VCPIP1: variants seen among roughly 807,000 people sequenced by gnomAD.
VCPIP1 encodes deubiquitinating protein VCPIP1.
In VCPIP1, 8 loss-of-function variants were observed where a neutral mutation model predicts 85.0. The ratio of observed to expected loss-of-function variants is 0.09; its 90% CI spans 0.06 to 0.17. The LOEUF (loss-of-function observed/expected upper bound fraction) is 0.17, where lower values mean the gene tolerates loss of function less well. Among genes scored for constraint, VCPIP1 ranks in the 10% least tolerant of loss-of-function variants. The probability of loss-of-function intolerance (pLI) is 1.00; values close to 1 mark genes in which losing one functional copy is unlikely to be tolerated. For synonymous variants in VCPIP1, 543 were observed against 544.5 expected, an observed-to-expected ratio of 1.00 and a Z score of 0.04; for missense variants, 1,070 against 1,486.3, an observed-to-expected ratio of 0.72 and a Z score of 4.61.
At chr8:66,660,819 G>A (rs1008386256) in intron 1 of VCPIP1, among the ~76,000 whole-genome samples, 4 of 152,054 alleles carry the variant, frequency 2.6e-5, no homozygotes, top group Non-Finnish European at 4.4e-5. Context: ...CGAGGAGGGC[G>A]GATCCCCTGA....
At chr8:66,651,314 C>A in intron 2 of VCPIP1, 144 bp downstream of exon 2, 11 of 557,422 alleles carry the variant, frequency 2.0e-5, no homozygotes, top group East Asian at 6.5e-5. Context: ...GGTAATAATT[C>A]ATTTTAATTA....
chr8:66,664,647 G>C lies in VCPIP1; in HGVS notation c.2312C>G (p.Thr771Ser). 1 of 1,613,734 alleles carries C rather than the reference G, an allele frequency of 6.2e-7. No individual in the cohort carries two copies. Among genetic ancestry groups the C allele is most frequent in the Non-Finnish European group, 8.5e-7 (1 of 1,179,806 alleles). Reference protein sequence around the residue: ...TPTKAPYSPTTSKEKKIRITT... With the variant: ...TPTKAPYSPTSSKEKKIRITT... ...GATTCGGATCTTCTTCTCCTTAGAA[G>C]TTGTCGGTGAATAGGGAGCCTTGGT... The change falls in exon 1 of 3, where the codon ACT (threonine) becomes AGT (serine). Residue 771 changes from threonine (T) to serine (S), a missense_variant. Thr to Ser is a moderately conservative substitution (Grantham distance 58, BLOSUM62 1). This residue lies in a region of VCPIP1 where 278 missense variants were observed against 298.5 expected (regional missense o/e 0.93). Transcript: ENST00000310421.
rs1810864821 is a variant in VCPIP1, at chr8:66,634,560, C to T, written c.3610G>A (p.Glu1204Lys). 1 of 1,613,968 alleles carries T rather than the reference C, an allele frequency of 6.2e-7. No homozygotes were observed. Among genetic ancestry groups the T allele is most frequent in the East Asian group, 2.2e-5 (1 of 44,892 alleles). ...ATCTCAGCATCTTGACTATCCATCT[C>T]TTCAAGCTCCTCCACGGAATTTCCC... is the stretch of plus-strand genomic sequence containing the variant. Reference protein sequence around the residue: ...QRGNSVEELEEMDSQDAEMTN... With the variant: ...QRGNSVEELEKMDSQDAEMTN... Residue 1204 changes from glutamate (E) to lysine (K), a missense_variant, in exon 3 of 3, where the codon GAG (glutamate) becomes AAG (lysine). Coordinates refer to ENST00000310421, the MANE Select transcript of VCPIP1 (RefSeq NM_025054.5).
rs146362482 is a variant in VCPIP1, at chr8:66,640,325, A to T, written c.2798-4953T>A. On this transcript the variant is annotated intron_variant, in intron 2 of 2. Transcript: ENST00000310421. ...ATTTGCTAACTGCTATACATCCACC[A>T]TCTCCTTTGATCCTCACAATCACCC... 4.7e-4 allele frequency among the ~76,000 whole-genome samples: 71 copies of T among 152,310 alleles called. 1 individual carries two copies. The highest frequency in any genetic ancestry group is 6.8e-3 in the Middle Eastern group (2 of 294).
intron 1 of VCPIP1, among the ~76,000 whole-genome samples, chr8:66,660,868 ACT>A (rs1012739157): frequency 1.3e-5 from 2 of 152,036 alleles, no homozygotes; most frequent in East Asian, 1.9e-4. Context: ...ACATGGAGAA[ACT>A]CTCTCTCTAT....
intron 2 of VCPIP1, among the ~76,000 whole-genome samples, chr8:66,644,794 TA>T (rs112573575): frequency 0.015 from 2,028 of 137,150 alleles, 15 homozygotes; most frequent in Non-Finnish European, 0.022. Flanking sequence ...AAGGGCAATG[TA>T]AAAAAAAAAA....
chr8:66,644,370 C>A (rs1325580549), intron 2 of VCPIP1, among the ~76,000 whole-genome samples: 1 of 152,082 alleles, frequency 6.6e-6, no homozygotes, highest in African/African-American at 2.4e-5. Context: ...AAGTAAAGTT[C>A]GTTCAACATT....
rs1811207992 is a variant in VCPIP1, at chr8:66,666,227, C to A, written c.732G>T (p.Gln244His). Reference sequence around the variant, plus strand: ...ATCGGGCCAGGTGCTGCTGAAAGTGCTGTTTAAGATTCTCTCTTAAGGCAT... The same window carrying A: ...ATCGGGCCAGGTGCTGCTGAAAGTGATGTTTAAGATTCTCTCTTAAGGCAT... ...FWHALRENLK[Q>H]HFQQHLARYQ... The change falls in exon 1 of 3, where the codon CAG becomes CAT. Residue 244 changes from glutamine to histidine, a missense_variant. Physicochemically the swap from Gln to His is conservative, Grantham distance 24 (BLOSUM62 0). This residue lies in a region of VCPIP1 where 118 missense variants were observed against 337.1 expected (regional missense o/e 0.35). Transcript: ENST00000310421. This position sits in a 1 kb window ranked among gnomAD's most constrained non-coding sequence, Gnocchi z 6.3. 6.2e-7 allele frequency: 1 copy of A among 1,613,786 alleles called. No individual in the cohort carries two copies. Among genetic ancestry groups the A allele is most frequent in the African/African-American group, 1.3e-5 (1 of 74,886 alleles).
At chr8:66,637,991 A>G (rs937202726) in intron 2 of VCPIP1, among the ~76,000 whole-genome samples, 2 of 152,218 alleles carry the variant, frequency 1.3e-5, no homozygotes, top group African/African-American at 4.8e-5. Context: ...CAAAACAAAA[A>G]TTCCATTACT....
At chr8:66,650,053 TA>T (rs1811037007) in intron 2 of VCPIP1, among the ~76,000 whole-genome samples, 2 of 146,276 alleles carry the variant, frequency 1.4e-5, no homozygotes, top group South Asian at 4.2e-4. Context: ...TAGGTTGTAA[TA>T]ATGACTTTTT....
intron 2 of VCPIP1, among the ~76,000 whole-genome samples, chr8:66,644,837 C>G (rs1810979192): frequency 6.6e-6 from 1 of 151,950 alleles, no homozygotes; most frequent in South Asian, 2.1e-4. Flanking sequence ...GTAGTTCACA[C>G]CTGTAATCCT....
At position 66,634,762 on chromosome 8, in the gene VCPIP1, A is replaced by C. The variant is rs1411449464; in HGVS notation, c.3408T>G (p.Leu1136=). 1 of 1,614,184 alleles carries C rather than the reference A, an allele frequency of 6.2e-7. No individual in the cohort carries two copies. Among genetic ancestry groups the C allele is most frequent in the Non-Finnish European group, 8.5e-7 (1 of 1,180,032 alleles). ...DQSTEQSPSD[L]PQRKTEVVSS... The stretch of plus-strand genomic sequence containing the variant: ...TCACAACTTCTGTTTTCCTTTGAGG[A>C]AGATCAGATGGTGACTGCTCTGTAC... The change falls in exon 3 of 3, where the codon CTT becomes CTG. Residue 1136 remains leucine (L), a synonymous_variant. Coordinates refer to ENST00000310421, the MANE Select transcript of VCPIP1 (RefSeq NM_025054.5).
At position 66,666,678 on chromosome 8, in the gene VCPIP1, A is replaced by G. The variant is rs548773481; in HGVS notation, c.281T>C (p.Val94Ala). Residue 94 changes from valine to alanine, a missense_variant, in exon 1 of 3, where the codon GTG (valine) becomes GCG (alanine). Val to Ala is a moderately conservative substitution (Grantham distance 64). Transcript: ENST00000310421. This position sits in a 1 kb window ranked among gnomAD's most constrained non-coding sequence, Gnocchi z 6.3. ...GVEEVTDPDV[V>A]LHNLLRNALL... ...CGCGTTCCGCAGCAGGTTGTGTAGC[A>G]CTACGTCCGGGTCGGTCACCTCCTC... 6.2e-7 allele frequency: 1 copy of G among 1,614,150 alleles called. No individual in the cohort carries two copies. The highest frequency in any genetic ancestry group is 1.3e-5 in the African/African-American group (1 of 75,034).
Position 66,634,748 on chromosome 8 carries a change from G to A in VCPIP1, c.3422C>T (p.Thr1141Ile), listed in dbSNP as rs772727809. ...CTTTGCAGAAGAACTCACAACTTCTGTTTTCCTTTGAGGAAGATCAGATGG... is the reference window on the plus strand; with the variant it reads ...CTTTGCAGAAGAACTCACAACTTCTATTTTCCTTTGAGGAAGATCAGATGG... Reference protein sequence around the residue: ...QSPSDLPQRKTEVVSSSAKSG... With the variant: ...QSPSDLPQRKIEVVSSSAKSG... Residue 1141 changes from threonine (T) to isoleucine (I), a missense_variant, in exon 3 of 3, where the codon ACA (threonine) becomes ATA (isoleucine). This residue lies in a region of VCPIP1 where 255 missense variants were observed against 289.5 expected (regional missense o/e 0.88). Coordinates refer to ENST00000310421, the MANE Select transcript of VCPIP1 (RefSeq NM_025054.5). 4.3e-6 allele frequency: 7 copies of A among 1,614,210 alleles called. No individual in the cohort carries two copies. Among genetic ancestry groups the A allele is most frequent in the Non-Finnish European group, 5.9e-6 (7 of 1,180,044 alleles).
Position 66,649,126 on chromosome 8 carries a change from T to C in VCPIP1, c.2797+2332A>G, listed in dbSNP as rs570074134. On this transcript the variant is annotated intron_variant, in intron 2 of 2. Coordinates refer to ENST00000310421, the MANE Select transcript of VCPIP1 (RefSeq NM_025054.5). ...TAGAGGCTGCAGTGAGTCACGATCA[T>C]ACCAGTGCACTCCAGCCTGGGCAAC... 1.1e-3 allele frequency among the ~76,000 whole-genome samples: 167 copies of C among 151,868 alleles called. 2 individuals are homozygous for C. Among genetic ancestry groups the C allele is most frequent in the Non-Finnish European group, 2.1e-3 (145 of 67,968 alleles).
chr8:66,635,863 A>T (rs573460846), intron 2 of VCPIP1, among the ~76,000 whole-genome samples: 2 of 147,308 alleles, frequency 1.4e-5, no homozygotes, highest in Admixed American at 1.4e-4. Flanking sequence ...CAGTGAGCTG[A>T]GATTGCGGCA....
chr8:66,628,869 T>A lies in VCPIP1; in HGVS notation c.*5632A>T, dbSNP rs1026885181. 1 of 152,202 alleles carries A rather than the reference T, an allele frequency of 6.6e-6. No homozygotes were observed. The highest frequency in any genetic ancestry group is 2.4e-5 in the African/African-American group (1 of 41,444). 9.4% of individuals were successfully genotyped at this position (152,202 alleles called of 1,614,324 possible). On this transcript the variant is annotated 3_prime_UTR_variant, in exon 3 of 3. Transcript: ENST00000310421. ...GTTGACAATTGTGAAACCACAAGGT[T>A]ACAGAAGAAATTGAGGCCTTGAAAG...
intron 1 of VCPIP1, among the ~76,000 whole-genome samples, chr8:66,652,167 C>T (rs970850618): frequency 2.0e-5 from 3 of 151,990 alleles, no homozygotes; most frequent in Admixed American, 6.6e-5. Context: ...CTCTACCCTG[C>T]GTGACAAAGT....
chr8:66,648,290 C>G (rs908282739), intron 2 of VCPIP1, among the ~76,000 whole-genome samples: 17 of 152,256 alleles, frequency 1.1e-4, no homozygotes, highest in African/African-American at 4.1e-4. Context: ...ATTTGTGCAC[C>G]ATATGGTTTC....
Sources: gnomAD v4.1 joint callset for allele counts (sites outside exome capture counted in the v4.1 genomes callset) on GRCh38, gnomAD v4.1.1 for gene constraint, gnomAD v4.1.1 regional missense constraint, Gnocchi (gnomAD v3.1) non-coding constraint, MANE v1.5 for transcripts, NCBI Gene and HGNC (gene_info 2026-07-23, HGNC 2026-07-21) for gene names.